Variants in ZDHHC14 observed in about 807,000 individuals in gnomAD.
The protein encoded by ZDHHC14 is zDHHC palmitoyltransferase 14, also known as palmitoyltransferase ZDHHC14.
Under a neutral mutation model 47.7 loss-of-function variants are expected in ZDHHC14, and 16 were observed. The observed-to-expected ratio is 0.34, with a 90% confidence interval of 0.23 to 0.51. The LOEUF is 0.51. ZDHHC14 is among the 20% of genes least tolerant of loss of function. ZDHHC14 has a pLI of 0.97. For missense variants in ZDHHC14, 515 were observed against 662.5 expected, an observed-to-expected ratio of 0.78 and a Z score of 2.44; for synonymous variants, 293 against 278.9, an observed-to-expected ratio of 1.05 and a Z score of -0.50.
intron 1 of ZDHHC14, among the ~76,000 whole-genome samples, chr6:157,422,054 G>A (rs1778117069): frequency 6.6e-6 from 1 of 152,194 alleles, no homozygotes; most frequent in Admixed American, 6.5e-5. Context: ...AAACTGATGA[G>A]GTGAGGAAAC....
At chr6:157,669,854 C>T (rs1778714528) in intron 8 of ZDHHC14, among the ~76,000 whole-genome samples, 1 of 152,184 alleles carries the variant, frequency 6.6e-6, no homozygotes, top group Non-Finnish European at 1.5e-5. Context: ...GGAGGCTGTG[C>T]GGAGTTACAG....
intron 1 of ZDHHC14, among the ~76,000 whole-genome samples, chr6:157,525,513 C>T (rs905482536): frequency 1.3e-5 from 2 of 152,192 alleles, no homozygotes; most frequent in African/African-American, 4.8e-5. Flanking sequence ...TCCGAGAGGG[C>T]CAATGAGAGC....
At chr6:157,655,289 G>A (rs1778034606) in intron 8 of ZDHHC14, among the ~76,000 whole-genome samples, 2 of 152,280 alleles carry the variant, frequency 1.3e-5, no homozygotes, top group South Asian at 4.1e-4. Flanking sequence ...TAACCCTAAA[G>A]CAACAGTGGG....
chr6:157,557,252 G>A (rs1161397067), intron 2 of ZDHHC14, among the ~76,000 whole-genome samples: 2 of 152,194 alleles, frequency 1.3e-5, no homozygotes, highest in Non-Finnish European at 2.9e-5. Flanking sequence ...CTAGGTCAGG[G>A]CAGAGTGGGA....
At chr6:157,636,405 A>G (rs912613181) in intron 5 of ZDHHC14, among the ~76,000 whole-genome samples, 1 of 152,078 alleles carries the variant, frequency 6.6e-6, no homozygotes, top group Non-Finnish European at 1.5e-5. Context: ...ACAGATGTAG[A>G]CAGACATGTC....
intron 1 of ZDHHC14, among the ~76,000 whole-genome samples, chr6:157,385,814 C>T (rs1777298281): frequency 6.6e-6 from 1 of 152,200 alleles, no homozygotes; most frequent in Non-Finnish European, 1.5e-5. Context: ...GTCTAGGGTA[C>T]TGGTTAAAGG....
chr6:157,541,187 T>C (rs985133102), intron 1 of ZDHHC14, among the ~76,000 whole-genome samples: 1 of 152,180 alleles, frequency 6.6e-6, no homozygotes, highest in Non-Finnish European at 1.5e-5. Context: ...AATACTTCGC[T>C]GTACATCTCC....
At chr6:157,550,858 C>T (rs953412395) in intron 2 of ZDHHC14, among the ~76,000 whole-genome samples, 3 of 152,124 alleles carry the variant, frequency 2.0e-5, no homozygotes, top group Non-Finnish European at 4.4e-5. Flanking sequence ...ACGATGATGG[C>T]GTACAGCAAT....
intron 2 of ZDHHC14, among the ~76,000 whole-genome samples, chr6:157,553,071 G>A (rs992858397): frequency 2.0e-5 from 3 of 152,170 alleles, no homozygotes; most frequent in African/African-American, 7.2e-5. Flanking sequence ...AGGAACAGTG[G>A]GAATTTACAG....
intron 3 of ZDHHC14, 22 bp downstream of exon 3, chr6:157,593,168 C>G (rs762312746): frequency 1.9e-6 from 3 of 1,595,190 alleles, no homozygotes; most frequent in East Asian, 4.5e-5. Context: ...CTGGGCGGAG[C>G]CTGGCGGGAG....
intron 1 of ZDHHC14, among the ~76,000 whole-genome samples, chr6:157,386,383 G>A (rs980510507): frequency 2.0e-5 from 3 of 152,124 alleles, no homozygotes; most frequent in Non-Finnish European, 4.4e-5. Flanking sequence ...AATAAAATAA[G>A]CACCTTTGTG....
At chr6:157,500,901 C>A (rs533864429) in intron 1 of ZDHHC14, among the ~76,000 whole-genome samples, 5 of 152,304 alleles carry the variant, frequency 3.3e-5, no homozygotes, top group Admixed American at 3.3e-4. Context: ...CCTTTCAAAA[C>A]CACAGCCGAT....
At chr6:157,497,880 G>C (rs1408080621) in intron 1 of ZDHHC14, among the ~76,000 whole-genome samples, 1 of 152,032 alleles carries the variant, frequency 6.6e-6, no homozygotes, top group African/African-American at 2.4e-5. Context: ...ATTACCATGG[G>C]GCCAGCACCA....
intron 8 of ZDHHC14, among the ~76,000 whole-genome samples, chr6:157,664,312 G>A (rs1049622642): frequency 3.9e-5 from 6 of 151,976 alleles, no homozygotes; most frequent in African/African-American, 7.3e-5. Context: ...TTTTGATTTG[G>A]TTCTATCATA....
chr6:157,592,060 G>A (rs1783929568), intron 2 of ZDHHC14, among the ~76,000 whole-genome samples: 1 of 152,046 alleles, frequency 6.6e-6, no homozygotes, highest in Non-Finnish European at 1.5e-5. Context: ...GAGTCTAGGT[G>A]AAATAAAACT....
chr6:157,417,820 T>C (rs1778013368), intron 1 of ZDHHC14, among the ~76,000 whole-genome samples: 1 of 151,912 alleles, frequency 6.6e-6, no homozygotes, highest in Non-Finnish European at 1.5e-5. Flanking sequence ...CGGGCGTGGT[T>C]GCGGGTGCCT....
At chr6:157,496,979 G>C (rs986757388) in intron 1 of ZDHHC14, among the ~76,000 whole-genome samples, 1 of 152,154 alleles carries the variant, frequency 6.6e-6, no homozygotes, top group Non-Finnish European at 1.5e-5. Context: ...TGTGTGGGTA[G>C]AGGTAGGGTG....
intron 8 of ZDHHC14, among the ~76,000 whole-genome samples, chr6:157,670,117 C>A (rs564017657): frequency 6.6e-6 from 1 of 152,188 alleles, no homozygotes; most frequent in Non-Finnish European, 1.5e-5. Flanking sequence ...GCAGCCTGCT[C>A]AGTAGCCCCC....
chr6:157,435,298 G>A (rs909432592), intron 1 of ZDHHC14, among the ~76,000 whole-genome samples: 16 of 152,244 alleles, frequency 1.1e-4, no homozygotes, highest in African/African-American at 3.4e-4. Flanking sequence ...AGAAATCCGA[G>A]AAGAGGGCAA....
Sources: gnomAD v4.1 joint callset for allele counts (sites outside exome capture counted in the v4.1 genomes callset) on GRCh38, gnomAD v4.1.1 for gene constraint, MANE v1.5 for transcripts, NCBI Gene and HGNC (gene_info 2026-07-23, HGNC 2026-07-21) for gene names.